BTBD9: variants seen among roughly 807,000 people sequenced by gnomAD.
BTBD9 encodes the protein BTB domain containing 9.
A neutral mutation model predicts 64.3 loss-of-function variants in BTBD9; 49 were observed. The ratio of observed to expected loss-of-function variants is 0.76; its 90% confidence interval spans 0.61 to 0.97. The LOEUF (loss-of-function observed/expected upper bound fraction) is 0.97, where lower values mean the gene tolerates loss of function less well. BTBD9 is among the 50% of genes least tolerant of loss of function. BTBD9 has a pLI of 0.00. For missense variants in BTBD9, 598 were observed against 762.1 expected (o/e 0.78, Z 2.53); for synonymous variants, 260 against 274.7 (o/e 0.95, Z 0.53).
In BTBD9 at chr6:38,414,907, AACTACTG is replaced by A. The variant is rs1165966085; in HGVS notation, c.1155-69821_1155-69815del. The stretch of plus-strand genomic sequence containing the variant: ...ATCATGATTTTAGCTACTCTCCTAA[AACTACTG>A]ACACCCAAATTAAGAATTACTAAGC... On this transcript the variant is annotated intron_variant, in intron 6 of 10. Coordinates refer to ENST00000481247, the MANE Select transcript of BTBD9 (RefSeq NM_001099272.2). Among the ~76,000 whole-genome samples the A allele has an allele frequency of 7.9e-5, 12 of 152,170 alleles. No individual in the cohort carries two copies. In the East Asian group the frequency reaches 2.3e-3, roughly 29 times the overall value.
At chr6:38,266,614 GAAAGAAAGAAA>G (rs761786733) in intron 8 of BTBD9, among the ~76,000 whole-genome samples, 267 of 9,750 alleles carry the variant, frequency 0.027, 2 homozygotes, top group Non-Finnish European at 0.029. Context: ...AGGAAAGAAA[GAAAGAAAGAAA>G]GAAAGAAAGA....
chr6:38,393,510 TA>T (rs145278111), intron 6 of BTBD9, among the ~76,000 whole-genome samples: 57,561 of 146,952 alleles, frequency 0.39, 13,420 homozygotes, highest in East Asian at 0.84. Flanking sequence ...CTTGGTCTAA[TA>T]AAAAAAAAAA....
chr6:38,601,663 G>A (rs185871968), intron 1 of BTBD9, among the ~76,000 whole-genome samples: 131 of 152,050 alleles, frequency 8.6e-4, no homozygotes, highest in African/African-American at 3.1e-3. Flanking sequence ...TCCATCCTGG[G>A]CAACACAGCA....
intron 6 of BTBD9, among the ~76,000 whole-genome samples, chr6:38,488,785 C>G (rs570468485): frequency 2.0e-5 from 3 of 151,508 alleles, no homozygotes; most frequent in Non-Finnish European, 4.4e-5. Flanking sequence ...ATAGAATTTT[C>G]ATTAAGAAAA....
At chr6:38,493,752 A>G (rs1771805361) in intron 6 of BTBD9, among the ~76,000 whole-genome samples, 1 of 152,200 alleles carries the variant, frequency 6.6e-6, no homozygotes, top group Non-Finnish European at 1.5e-5. Context: ...GGAGATGAGC[A>G]CTGAACCCAA....
chr6:38,246,313 G>T (rs1764199329), intron 9 of BTBD9, among the ~76,000 whole-genome samples: 1 of 152,026 alleles, frequency 6.6e-6, no homozygotes, highest in Non-Finnish European at 1.5e-5. Context: ...TCAGCTTTAG[G>T]TACTTCATAA....
At chr6:38,530,126 C>T (rs1322051936) in intron 6 of BTBD9, among the ~76,000 whole-genome samples, 1 of 152,094 alleles carries the variant, frequency 6.6e-6, no homozygotes, top group African/African-American at 2.4e-5. Flanking sequence ...TGAGATACGC[C>T]CTGGTCTCCT....
At chr6:38,370,427 T>G (rs1200288508) in intron 6 of BTBD9, among the ~76,000 whole-genome samples, 1 of 152,232 alleles carries the variant, frequency 6.6e-6, no homozygotes, top group Non-Finnish European at 1.5e-5. Flanking sequence ...TTAATCAGAC[T>G]TGGAAAGATA....
chr6:38,594,700 T>C (rs1447517474), intron 2 of BTBD9, among the ~76,000 whole-genome samples: 1 of 152,206 alleles, frequency 6.6e-6, no homozygotes, highest in African/African-American at 2.4e-5. Context: ...TATAATCAGA[T>C]AAACACTAAT....
intron 6 of BTBD9, among the ~76,000 whole-genome samples, chr6:38,381,992 G>GT (rs1252663668): frequency 6.6e-6 from 1 of 152,208 alleles, no homozygotes; most frequent in Non-Finnish European, 1.5e-5. Context: ...AAATAGTGTA[G>GT]TAAGAGACTC....
chr6:38,596,822 G>GCACTCTTATAAAACACTTTATAAAACA (rs1363421756), intron 2 of BTBD9, among the ~76,000 whole-genome samples: 1 of 151,654 alleles, frequency 6.6e-6, no homozygotes. Flanking sequence ...AAAAAAGTGG[G>GCACTCTTATAAAACACTTTATAAAACA]CTCTTATAAA....
At chr6:38,417,525 G>C (rs893881897) in intron 6 of BTBD9, among the ~76,000 whole-genome samples, 2 of 152,200 alleles carry the variant, frequency 1.3e-5, no homozygotes, top group African/African-American at 4.8e-5. Context: ...TGTAATCCTA[G>C]AACTTCGGGA....
In BTBD9 at chr6:38,524,293, G is replaced by A. The variant is rs181666637; in HGVS notation, c.1154+53307C>T. Among the ~76,000 whole-genome samples, 57 of 152,134 alleles carry A rather than the reference G, an allele frequency of 3.7e-4. 1 individual carries two copies. Among genetic ancestry groups the A allele is most frequent in the Admixed American group, 3.0e-3 (46 of 15,292 alleles). The stretch of plus-strand genomic sequence containing the variant: ...TTTAGCTGAGTTTCCATTTCCAAAT[G>A]ATAGAACAGTATCAGGAAAAAACTA... On this transcript the variant is annotated intron_variant, in intron 6 of 10. Coordinates refer to ENST00000481247, the MANE Select transcript of BTBD9 (RefSeq NM_001099272.2).
chr6:38,568,154 G>A (rs192251476), intron 6 of BTBD9, among the ~76,000 whole-genome samples: 2 of 152,274 alleles, frequency 1.3e-5, no homozygotes, highest in African/African-American at 2.4e-5. Context: ...AGTATGGGGT[G>A]AAATCTGAAT....
At chr6:38,356,297 T>C (rs994267654) in intron 6 of BTBD9, among the ~76,000 whole-genome samples, 1 of 152,202 alleles carries the variant, frequency 6.6e-6, no homozygotes. Context: ...GTTATTAATT[T>C]ATTCCCCTGG....
At chr6:38,453,603 T>C (rs1769654531) in intron 6 of BTBD9, among the ~76,000 whole-genome samples, 1 of 152,186 alleles carries the variant, frequency 6.6e-6, no homozygotes, top group African/African-American at 2.4e-5. Context: ...TGCTATGATA[T>C]AGTTGAGGGT....
chr6:38,486,835 T>C lies in BTBD9; in HGVS notation c.1154+90765A>G, dbSNP rs189164734. On this transcript the variant is annotated intron_variant, in intron 6 of 10. Transcript: ENST00000481247. ...AACACGGAGTTGCCATAACCTTCAG[T>C]TGGTAAAAACAAAACAAAATACCAC... Among the ~76,000 whole-genome samples, 217 of 152,304 alleles carry C rather than the reference T, an allele frequency of 1.4e-3. 1 individual carries two copies. The highest frequency in any genetic ancestry group is 4.7e-3 in the African/African-American group (195 of 41,568).
intron 9 of BTBD9, among the ~76,000 whole-genome samples, chr6:38,199,903 A>G (rs1169255021): frequency 6.6e-6 from 1 of 152,228 alleles, no homozygotes; most frequent in Non-Finnish European, 1.5e-5. Flanking sequence ...TGCTGCCCCT[A>G]AACTGTAGGC....
intron 7 of BTBD9, among the ~76,000 whole-genome samples, chr6:38,328,225 C>T (rs1045806885): frequency 1.5e-4 from 23 of 152,242 alleles, no homozygotes; most frequent in African/African-American, 4.1e-4. Flanking sequence ...TACAATTTTA[C>T]GCACTATTAT....
Sources: gnomAD v4.1 joint callset for allele counts (sites outside exome capture counted in the v4.1 genomes callset) on GRCh38, gnomAD v4.1.1 for gene constraint, MANE v1.5 for transcripts, NCBI Gene and HGNC (gene_info 2026-07-23, HGNC 2026-07-21) for gene names.